Variants in CASD1 observed in about 807,000 individuals in gnomAD.
The protein encoded by CASD1 is CAS1 domain sialic acid O acetyltransferase 1.
In CASD1, 41 loss-of-function variants were observed where a neutral mutation model predicts 100.0. The ratio of observed to expected loss-of-function variants is 0.41; its 90% CI spans 0.32 to 0.53. The LOEUF is 0.53. Ranked by LOEUF, CASD1 falls within the 20% of genes least tolerant of loss-of-function variation. CASD1 has a pLI of 0.25. For synonymous variants in CASD1, 321 were observed against 315.6 expected (o/e 1.02, Z -0.18); for missense variants, 774 against 948.7 (o/e 0.82, Z 2.42).
chr7:94,586,921 TAAAAC>T, the CASD1 span: 22 of 983,882 alleles, frequency 2.2e-5, no homozygotes, highest in Non-Finnish European at 2.5e-5. Flanking sequence ...ACTCACTAAA[TAAAAC>T]AATAACAACA....
At chr7:94,533,607 A>G in intron 6 of CASD1, 72 bp from the exon 7 acceptor site, 1 of 1,106,442 alleles carries the variant, frequency 9.0e-7, no homozygotes, top group Non-Finnish European at 1.3e-6. Flanking sequence ...CACTTGTTAC[A>G]GTAGGTAAAT....
intron 5 of CASD1, 23 bp downstream of exon 5, chr7:94,528,273 C>T (rs923210671): frequency 1.7e-6 from 2 of 1,185,246 alleles, no homozygotes; most frequent in African/African-American, 1.6e-5. Context: ...AAAACATAGG[C>T]TTTTTTTTTT....
rs1325885738 is a variant in CASD1, at chr7:94,552,383, A to G, written c.1990A>G (p.Lys664Glu). ...YSIWASSCKN[K>E]AECNELHPSV... ...CATCTGGGCTAGCAGTTGTAAAAAC[A>G]AAGCAGAGTGCAATGAACTCCATCC... Residue 664 changes from lysine to glutamate, a missense_variant, in exon 16 of 18, where the codon AAA (lysine) becomes GAA (glutamate). Physicochemically the swap from Lys to Glu is moderately conservative, Grantham distance 56. This residue lies in a region of CASD1 where 175 missense variants were observed against 206.9 expected (regional missense o/e 0.85). Transcript: ENST00000297273. 2 of 1,611,190 alleles carry G rather than the reference A, an allele frequency of 1.2e-6. No homozygotes were observed. The highest frequency in any genetic ancestry group is 8.5e-7 in the Non-Finnish European group (1 of 1,179,026).
At chr7:94,529,029 G>C (rs1214467885) in intron 5 of CASD1, among the ~76,000 whole-genome samples, 1 of 151,986 alleles carries the variant, frequency 6.6e-6, no homozygotes, top group African/African-American at 2.4e-5. Flanking sequence ...GATCCTGTGG[G>C]AACCTAGCCA....
chr7:94,587,781 A>G, the CASD1 span: 11 of 1,547,946 alleles, frequency 7.1e-6, no homozygotes, highest in Non-Finnish European at 9.6e-6. Flanking sequence ...TACTTGCCTC[A>G]AATCTTTGAA....
At chr7:94,559,898 C>T (rs1405283468), downstream of CASD1, among the ~76,000 whole-genome samples, 1 of 152,080 alleles carries the variant, frequency 6.6e-6, no homozygotes, top group Non-Finnish European at 1.5e-5. Context: ...TGTATTTTCC[C>T]TTTATTTTCA....
At chr7:94,526,438 T>C (rs951787295) in intron 3 of CASD1, among the ~76,000 whole-genome samples, 1 of 152,238 alleles carries the variant, frequency 6.6e-6, no homozygotes, top group African/African-American at 2.4e-5. Flanking sequence ...CATGTGGCTC[T>C]GCCTAACTGA....
At chr7:94,510,248 G>A in intron 1 of CASD1, 31 bp downstream of exon 1, 2 of 1,393,138 alleles carry the variant, frequency 1.4e-6, no homozygotes, top group African/African-American at 1.5e-5. Flanking sequence ...GCCCGGGCAG[G>A]CCGTGGGGGA....
At chr7:94,604,375 A>T in the CASD1 span, among the ~76,000 whole-genome samples, 1 of 151,902 alleles carries the variant, frequency 6.6e-6, no homozygotes, top group East Asian at 1.9e-4. Context: ...AACTGATCCT[A>T]AAATTCCTAA....
At chr7:94,627,032 A>C in the CASD1 span, 1 of 152,196 alleles carries the variant, frequency 6.6e-6, no homozygotes, top group East Asian at 1.9e-4. Context: ...ATATTTAAAA[A>C]AATTAATTTG....
At chr7:94,546,949 C>T in intron 12 of CASD1, 147 bp from the exon 13 acceptor site, 3 of 481,318 alleles carry the variant, frequency 6.2e-6, no homozygotes, top group South Asian at 9.3e-5. Flanking sequence ...GTAATTTATA[C>T]TAACTGGATA....
At position 94,517,543 on chromosome 7, in the gene CASD1, GTGTTTAAC is replaced by G; in HGVS notation, c.134-11_134-4del. ...TTTAACTATTGTTTACAACACTGTT[GTGTTTAAC>G]TGTTTTAGGCAATGATTCGTGTGAA... On this transcript the variant is annotated splice_polypyrimidine_tract_variant and intron_variant, in intron 1 of 17. Coordinates refer to ENST00000297273, the MANE Select transcript of CASD1 (RefSeq NM_022900.5). 6.6e-7 allele frequency: 1 copy of G among 1,521,370 alleles called. No individual in the cohort carries two copies. The highest frequency in any genetic ancestry group is 9.1e-7 in the Non-Finnish European group (1 of 1,103,372). The allele number at this position is 1,521,370 out of a possible 1,614,324, so 94.2% of individuals were successfully genotyped here.
At chr7:94,567,924 T>C in the CASD1 span, among the ~76,000 whole-genome samples, 1 of 152,186 alleles carries the variant, frequency 6.6e-6, no homozygotes, top group African/African-American at 2.4e-5. Flanking sequence ...AATGGAAATA[T>C]ATATTCCTTT....
chr7:94,511,946 T>G (rs1793732243), intron 1 of CASD1, among the ~76,000 whole-genome samples: 1 of 152,240 alleles, frequency 6.6e-6, no homozygotes, highest in Admixed American at 6.5e-5. Context: ...GTCATCAGTT[T>G]CCATAGGTAC....
chr7:94,614,106 T>TAA, the CASD1 span, among the ~76,000 whole-genome samples: 97 of 55,118 alleles, frequency 1.8e-3, 2 homozygotes, highest in Non-Finnish European at 1.8e-3. Flanking sequence ...CAAATTGAAA[T>TAA]CAAAAAAAAA....
chr7:94,547,519 GTAT>G (rs1290835129), intron 13 of CASD1, among the ~76,000 whole-genome samples: 1 of 151,846 alleles, frequency 6.6e-6, no homozygotes, highest in Non-Finnish European at 1.5e-5. Context: ...GCTAGTTTGT[GTAT>G]TATTCATTGC....
chr7:94,512,615 A>G (rs1393509993), intron 1 of CASD1, among the ~76,000 whole-genome samples: 1 of 152,214 alleles, frequency 6.6e-6, no homozygotes, highest in Non-Finnish European at 1.5e-5. Flanking sequence ...GTTCTACTAA[A>G]GGTTTTACAT....
the CASD1 span, chr7:94,624,175 A>C: frequency 1.3e-5 from 5 of 397,846 alleles, no homozygotes; most frequent in Non-Finnish European, 2.2e-5. Flanking sequence ...AAAAAAAAAA[A>C]AAAACAAATG....
intron 9 of CASD1, among the ~76,000 whole-genome samples, chr7:94,538,472 C>A (rs973676771): frequency 6.6e-6 from 1 of 152,042 alleles, no homozygotes. Context: ...GTAAAACATA[C>A]CTCTCCTGTG....
Sources: allele counts gnomAD v4.1 joint callset (sites outside exome capture counted in the v4.1 genomes callset), GRCh38; gene constraint gnomAD v4.1.1; regional missense constraint gnomAD v4.1.1; transcripts MANE v1.5; gene names NCBI Gene and HGNC (gene_info 2026-07-23, HGNC 2026-07-21).